Variants in LRRC7 observed in about 807,000 individuals in gnomAD.
LRRC7 encodes the protein leucine-rich repeat-containing protein 7.
Under a neutral mutation model 175.7 loss-of-function variants are expected in LRRC7, and 23 were observed. The ratio of observed to expected loss-of-function variants is 0.13; its 90% CI spans 0.09 to 0.19. The LOEUF is 0.19. LRRC7 is among the 10% of genes least tolerant of loss of function. The probability of loss-of-function intolerance (pLI) is 1.00; values close to 1 mark genes in which losing one functional copy is unlikely to be tolerated. For synonymous variants in LRRC7, 685 were observed against 680.9 expected (o/e 1.01, Z -0.09); for missense variants, 1,354 against 1,904.7 (o/e 0.71, Z 5.38).
At position 70,038,483 on chromosome 1, in the gene LRRC7, C is replaced by G; in HGVS notation, c.2659C>G (p.Pro887Ala). The G allele has an allele frequency of 6.2e-7, 1 of 1,614,092 alleles. No individual in the cohort carries two copies. The highest frequency in any genetic ancestry group is 8.5e-7 in the Non-Finnish European group (1 of 1,180,020). The change falls in exon 21 of 27, where the codon CCT (proline) becomes GCT (alanine). Residue 887 changes from proline to alanine, a missense_variant. Physicochemically the swap from Pro to Ala is conservative, Grantham distance 27. Around this residue, in one of 4 missense-constraint regions of LRRC7, gnomAD observed 1,032 missense variants for 1,227.2 expected, o/e 0.84. Coordinates refer to ENST00000651989, the MANE Select transcript of LRRC7 (RefSeq NM_001370785.2). ...TCCTTGGCAGAATTGGACCAGAACC[C>G]CTAGTCCGTTTGAAGACAGGACCGC... The part of the protein sequence containing the change: ...SNPWQNWTRT[P>A]SPFEDRTAFP...
chr1:69,621,979 G>A (rs767806878), intron 1 of LRRC7, among the ~76,000 whole-genome samples: 1 of 151,952 alleles, frequency 6.6e-6, no homozygotes, highest in African/African-American at 2.4e-5. Flanking sequence ...TTTTCTATTT[G>A]TATCTTTTTT....
Position 70,022,575 on chromosome 1 carries a change from G to T in LRRC7, c.1546-551G>T, listed in dbSNP as rs958935728. Among the ~76,000 whole-genome samples, 12 of 152,150 alleles carry T rather than the reference G, an allele frequency of 7.9e-5. 1 individual carries two copies. Among genetic ancestry groups the T allele is most frequent in the Admixed American group, 6.5e-4 (10 of 15,292 alleles). On this transcript the variant is annotated intron_variant, in intron 16 of 26. Coordinates refer to ENST00000651989, the MANE Select transcript of LRRC7 (RefSeq NM_001370785.2). ...TTATACTTTAGAGTGTTTTTTCTCT[G>T]TATTTACATTTGGTTTATTTATGTA... is the stretch of plus-strand genomic sequence containing the variant.
At chr1:69,577,061 T>G (rs879355049) in intron 1 of LRRC7, among the ~76,000 whole-genome samples, 2 of 152,174 alleles carry the variant, frequency 1.3e-5, no homozygotes, top group Non-Finnish European at 2.9e-5. Flanking sequence ...AAGATTTGCT[T>G]CCTGCAGACA....
At chr1:69,608,542 T>G (rs1043422250) in intron 1 of LRRC7, among the ~76,000 whole-genome samples, 4 of 152,038 alleles carry the variant, frequency 2.6e-5, no homozygotes, top group African/African-American at 9.7e-5. Context: ...CAGTGTCCCA[T>G]AACACCTTAA....
chr1:70,100,490 T>C (rs924471631), intron 25 of LRRC7, among the ~76,000 whole-genome samples: 1 of 152,142 alleles, frequency 6.6e-6, no homozygotes, highest in Non-Finnish European at 1.5e-5. Flanking sequence ...ATAGTCCATT[T>C]CTTTGGGTTG....
At chr1:69,879,774 C>G (rs548906117) in intron 7 of LRRC7, 1 of 152,340 alleles carries the variant, frequency 6.6e-6, no homozygotes, top group African/African-American at 2.4e-5. Context: ...AGGGGTGAAC[C>G]AACTCAGGTC....
intron 21 of LRRC7, among the ~76,000 whole-genome samples, chr1:70,041,013 G>C (rs988389015): frequency 2.0e-5 from 3 of 152,090 alleles, no homozygotes; most frequent in African/African-American, 7.2e-5. Flanking sequence ...TTAGGGTAGA[G>C]GGCTTAATGT....
intron 3 of LRRC7, among the ~76,000 whole-genome samples, chr1:69,786,131 CA>C (rs1428094489): frequency 6.6e-6 from 1 of 151,950 alleles, no homozygotes; most frequent in African/African-American, 2.4e-5. Flanking sequence ...ATCTATGAGA[CA>C]AAGGCCTAAA....
At chr1:69,695,523 G>T (rs1662467221) in intron 2 of LRRC7, among the ~76,000 whole-genome samples, 1 of 152,212 alleles carries the variant, frequency 6.6e-6, no homozygotes, top group South Asian at 2.1e-4. Flanking sequence ...GCCACCACCT[G>T]CTAGAGAGCT....
intron 11 of LRRC7, among the ~76,000 whole-genome samples, chr1:70,009,748 T>A (rs1656328669): frequency 6.6e-6 from 1 of 152,230 alleles, no homozygotes; most frequent in African/African-American, 2.4e-5. Flanking sequence ...TCCTAAGAGC[T>A]GTTACTCAAA....
At chr1:70,008,299 G>C (rs1270823806) in intron 11 of LRRC7, among the ~76,000 whole-genome samples, 2 of 152,150 alleles carry the variant, frequency 1.3e-5, no homozygotes, top group Non-Finnish European at 2.9e-5. Context: ...GCCTGCTCCA[G>C]CCCACTGACT....
intron 2 of LRRC7, among the ~76,000 whole-genome samples, chr1:69,746,962 A>C (rs994518834): frequency 1.3e-5 from 2 of 151,796 alleles, no homozygotes; most frequent in Non-Finnish European, 2.9e-5. Context: ...TGGTTCTGGG[A>C]CTCTTTCCTT....
At chr1:69,697,105 A>C (rs1662703253) in intron 2 of LRRC7, among the ~76,000 whole-genome samples, 1 of 152,048 alleles carries the variant, frequency 6.6e-6, no homozygotes, top group Admixed American at 6.5e-5. Flanking sequence ...TGGCTATCTA[A>C]TTTGTCTCAT....
intron 2 of LRRC7, 41 bp from the exon 3 acceptor site, chr1:69,760,150 G>T: frequency 1.2e-6 from 2 of 1,600,530 alleles, no homozygotes; most frequent in South Asian, 1.1e-5. Flanking sequence ...AAGGGCACTG[G>T]ATAAGCTGTT....
chr1:70,012,357 A>AT (rs1656586989), intron 12 of LRRC7, among the ~76,000 whole-genome samples: 2 of 151,778 alleles, frequency 1.3e-5, no homozygotes, highest in Admixed American at 6.6e-5. Context: ...GATTCTGTTA[A>AT]TTTTTACATC....
chr1:69,919,389 G>T, intron 7 of LRRC7: 1 of 635,942 alleles, frequency 1.6e-6, no homozygotes, highest in South Asian at 2.0e-5. Context: ...CGCCTGGCTG[G>T]GAAAAGCGCA....
At chr1:69,704,379 A>G (rs950433589) in intron 2 of LRRC7, among the ~76,000 whole-genome samples, 1 of 152,106 alleles carries the variant, frequency 6.6e-6, no homozygotes, top group South Asian at 2.1e-4. Context: ...TGCTTTAGGT[A>G]GACTGAATCT....
At chr1:69,703,666 T>C (rs545473544) in intron 2 of LRRC7, among the ~76,000 whole-genome samples, 16 of 152,154 alleles carry the variant, frequency 1.1e-4, no homozygotes, top group African/African-American at 3.8e-4. Context: ...CTTCAACAGT[T>C]ACGTAATTGT....
intron 1 of LRRC7, among the ~76,000 whole-genome samples, chr1:69,643,823 T>C (rs1654600278): frequency 6.6e-6 from 1 of 152,026 alleles, no homozygotes; most frequent in Non-Finnish European, 1.5e-5. Flanking sequence ...AAGTAACCCC[T>C]CTGCTGGCTT....
Sources: allele counts gnomAD v4.1 joint callset (sites outside exome capture counted in the v4.1 genomes callset), GRCh38; gene constraint gnomAD v4.1.1; regional missense constraint gnomAD v4.1.1; transcripts MANE v1.5; gene names NCBI Gene and HGNC (gene_info 2026-07-23, HGNC 2026-07-21).